UBE2E2: variants seen among roughly 807,000 people sequenced by gnomAD.
UBE2E2 encodes ubiquitin-conjugating enzyme E2 E2.
A neutral mutation model predicts 24.7 loss-of-function variants in UBE2E2; 6 were observed. The ratio of observed to expected loss-of-function variants is 0.24; its 90% CI spans 0.13 to 0.48. The LOEUF is 0.48. Among genes scored for constraint, UBE2E2 ranks in the 20% least tolerant of loss-of-function variants. The pLI is 0.99. For missense variants in UBE2E2, 169 were observed against 245.0 expected, an observed-to-expected ratio of 0.69 and a Z score of 2.07; for synonymous variants, 104 against 83.6, an observed-to-expected ratio of 1.24 and a Z score of -1.33.
At chr3:23,375,453 A>T (rs1442975696) in intron 3 of UBE2E2, among the ~76,000 whole-genome samples, 1 of 152,190 alleles carries the variant, frequency 6.6e-6, no homozygotes, top group East Asian at 1.9e-4. Flanking sequence ...AAAAACACTT[A>T]GTCCTCATCC....
chr3:23,331,123 G>T lies in UBE2E2; in HGVS notation c.227+113811G>T, dbSNP rs542718664. ...AAGTTCACATCTTAAATGTTCTCAT[G>T]AAGTTCTTTTGAATTTTTTCCATTA... On this transcript the variant is annotated intron_variant, in intron 3 of 5. Coordinates refer to ENST00000396703, the MANE Select transcript of UBE2E2 (RefSeq NM_152653.4). Among the ~76,000 whole-genome samples the T allele has an allele frequency of 1.3e-5, 2 of 152,240 alleles. 1 individual carries two copies. Among genetic ancestry groups the T allele is most frequent in the South Asian group, 4.1e-4 (2 of 4,830 alleles).
At chr3:23,222,832 A>G (rs1559445234) in intron 3 of UBE2E2, among the ~76,000 whole-genome samples, 1 of 138,356 alleles carries the variant, frequency 7.2e-6, no homozygotes, top group Non-Finnish European at 1.7e-5. Flanking sequence ...TTACATCCCA[A>G]CAACAGTGTA....
chr3:23,418,289 G>T (rs1217076017), intron 3 of UBE2E2, among the ~76,000 whole-genome samples: 3 of 152,158 alleles, frequency 2.0e-5, no homozygotes, highest in African/African-American at 7.2e-5. Flanking sequence ...AGTTCCTCAC[G>T]GCTTACCTTG....
At chr3:23,262,199 A>C (rs544731759) in intron 3 of UBE2E2, among the ~76,000 whole-genome samples, 1 of 152,212 alleles carries the variant, frequency 6.6e-6, no homozygotes, top group South Asian at 2.1e-4. Context: ...TTCCCTGATG[A>C]TAGTAATGTT....
chr3:23,439,400 C>A (rs1698249188), intron 3 of UBE2E2, among the ~76,000 whole-genome samples: 1 of 152,186 alleles, frequency 6.6e-6, no homozygotes, highest in Admixed American at 6.5e-5. Context: ...AACTCAGAGG[C>A]ACCCCTCCTC....
chr3:23,268,305 C>T (rs1239669365), intron 3 of UBE2E2, among the ~76,000 whole-genome samples: 1 of 150,086 alleles, frequency 6.7e-6, no homozygotes, highest in South Asian at 2.1e-4. Flanking sequence ...ATCTAGAAAA[C>T]CCCATTGTCT....
rs1247382873 is a variant in UBE2E2 at position 23,532,676 on chromosome 3, C to T, written c.483C>T (p.Cys161=). 5 of 1,556,592 alleles carry T rather than the reference C, an allele frequency of 3.2e-6. No homozygotes were observed. In the East Asian group the frequency reaches 6.8e-5, roughly 21 times the overall value. Residue 161 remains cysteine (C), a synonymous_variant, in exon 5 of 6, where the codon TGC becomes TGT. Coordinates refer to ENST00000396703, the MANE Select transcript of UBE2E2 (RefSeq NM_152653.4). ...LTISKVLLSI[C]SLLTDCNPAD... is the part of the protein sequence containing the mutation. ...TTTCTAAAGTTCTCCTCTCCATCTG[C>T]TCACTTCTTACAGATTGCAACCCTG...
At chr3:23,463,608 G>A (rs1374218006) in intron 3 of UBE2E2, among the ~76,000 whole-genome samples, 1 of 152,068 alleles carries the variant, frequency 6.6e-6, no homozygotes, top group African/African-American at 2.4e-5. Flanking sequence ...GGGCCTCAAA[G>A]TAGCTTCTTG....
chr3:23,489,285 G>C (rs1369275249), intron 3 of UBE2E2, among the ~76,000 whole-genome samples: 3 of 151,892 alleles, frequency 2.0e-5, no homozygotes, highest in African/African-American at 7.3e-5. Flanking sequence ...CCATCATGTA[G>C]AATCAGTGGG....
At chr3:23,364,491 A>G (rs1696205118) in intron 3 of UBE2E2, among the ~76,000 whole-genome samples, 1 of 152,220 alleles carries the variant, frequency 6.6e-6, no homozygotes, top group Non-Finnish European at 1.5e-5. Context: ...GACTACTGTG[A>G]ACACCTCTAT....
intron 3 of UBE2E2, among the ~76,000 whole-genome samples, chr3:23,483,376 A>G (rs1023644868): frequency 2.6e-5 from 4 of 152,248 alleles, no homozygotes; most frequent in Non-Finnish European, 5.9e-5. Context: ...TTTGCCAGAC[A>G]CTACATTTGA....
intron 3 of UBE2E2, among the ~76,000 whole-genome samples, chr3:23,228,343 A>G (rs1381289392): frequency 6.6e-6 from 1 of 152,166 alleles, no homozygotes; most frequent in Non-Finnish European, 1.5e-5. Context: ...TATAATAGCA[A>G]CAGAACATTT....
chr3:23,360,305 A>G (rs1485742613), intron 3 of UBE2E2, among the ~76,000 whole-genome samples: 1 of 151,394 alleles, frequency 6.6e-6, no homozygotes, highest in East Asian at 1.9e-4. Context: ...GTCAGTGTTA[A>G]AAAAAAAGTG....
chr3:23,580,516 CA>C (rs574331280), intron 5 of UBE2E2, among the ~76,000 whole-genome samples: 133 of 152,332 alleles, frequency 8.7e-4, no homozygotes, highest in African/African-American at 2.9e-3. Context: ...TAATAGACTA[CA>C]GTATAAACAC....
chr3:23,364,917 T>G (rs1440714833), intron 3 of UBE2E2, among the ~76,000 whole-genome samples: 1 of 152,084 alleles, frequency 6.6e-6, no homozygotes, highest in African/African-American at 2.4e-5. Flanking sequence ...AAAAAGTTAA[T>G]CCACTGTGAT....
chr3:23,322,570 A>G (rs1044869984), intron 3 of UBE2E2, among the ~76,000 whole-genome samples: 1 of 152,082 alleles, frequency 6.6e-6, no homozygotes, highest in South Asian at 2.1e-4. Flanking sequence ...GTATATGTTC[A>G]TTTATTTTAA....
At chr3:23,302,882 A>G (rs1230509809) in intron 3 of UBE2E2, among the ~76,000 whole-genome samples, 5 of 152,208 alleles carry the variant, frequency 3.3e-5, no homozygotes, top group Non-Finnish European at 7.3e-5. Context: ...GTAACTAACA[A>G]CTGCTTCCCC....
chr3:23,297,276 G>C, intron 3 of UBE2E2, among the ~76,000 whole-genome samples: 1 of 151,668 alleles, frequency 6.6e-6, no homozygotes, highest in Non-Finnish European at 1.5e-5. Context: ...TCACTCTGAT[G>C]GTAGTTTCTT....
chr3:23,519,264 A>C (rs538695459), intron 4 of UBE2E2, among the ~76,000 whole-genome samples: 1 of 149,340 alleles, frequency 6.7e-6, no homozygotes, highest in Admixed American at 6.6e-5. Flanking sequence ...TTTTTTTGCT[A>C]TTTTATTCCT....
Sources: allele counts gnomAD v4.1 joint callset (sites outside exome capture counted in the v4.1 genomes callset), GRCh38; gene constraint gnomAD v4.1.1; transcripts MANE v1.5; gene names NCBI Gene and HGNC (gene_info 2026-07-23, HGNC 2026-07-21).